The following NFIL3 variants were observed in gnomAD, a reference collection of about 807,000 sequenced individuals.
The protein encoded by NFIL3 is nuclear factor interleukin-3-regulated protein.
Under a neutral mutation model 10.0 loss-of-function variants are expected in NFIL3, and 5 were observed. That is an observed-to-expected ratio of 0.50 (90% CI 0.26 to 1.06). NFIL3 has a LOEUF of 1.06. Ranked by LOEUF, NFIL3 falls within the 50% of genes least tolerant of loss-of-function variation. The pLI is 0.13. For missense variants in NFIL3, 436 were observed against 547.6 expected (o/e 0.80, Z 2.03); for synonymous variants, 202 against 206.5 (o/e 0.98, Z 0.19).
the NFIL3 span, among the ~76,000 whole-genome samples, chr9:91,446,744 G>A: frequency 1.3e-5 from 2 of 151,978 alleles, no homozygotes; most frequent in African/African-American, 2.4e-5. Flanking sequence ...ATTTTACTAA[G>A]TATGATGTTT....
chr9:91,423,962 G>T (rs1423391364), upstream of NFIL3: 1 of 145,130 alleles, frequency 6.9e-6, no homozygotes, highest in Non-Finnish European at 1.5e-5. Context: ...GGCAGGGGCG[G>T]GCCGGGGCGG....
chr9:91,462,729 C>T, the NFIL3 span, among the ~76,000 whole-genome samples: 4 of 146,854 alleles, frequency 2.7e-5, no homozygotes, highest in Non-Finnish European at 1.5e-5. Context: ...AGAAAGTGCC[C>T]TCTGTGCTTC....
the NFIL3 span, among the ~76,000 whole-genome samples, chr9:91,478,999 A>C: frequency 6.6e-6 from 1 of 152,208 alleles, no homozygotes; most frequent in African/African-American, 2.4e-5. Flanking sequence ...AGATTGCTGC[A>C]TGTTCCTTCC....
chr9:91,448,302 T>C, the NFIL3 span, among the ~76,000 whole-genome samples: 1 of 152,186 alleles, frequency 6.6e-6, no homozygotes, highest in African/African-American at 2.4e-5. Context: ...AAGGCCAACA[T>C]TAAACAGTTA....
intron 1 of NFIL3, 145 bp downstream of exon 1, chr9:91,423,495 G>C (rs1433091578): frequency 6.6e-6 from 1 of 151,628 alleles, no homozygotes; most frequent in Non-Finnish European, 1.5e-5. Flanking sequence ...TGAATGCCCC[G>C]CGCGCACTCG....
At chr9:91,479,391 G>A in the NFIL3 span, among the ~76,000 whole-genome samples, 27 of 152,320 alleles carry the variant, frequency 1.8e-4, no homozygotes, top group African/African-American at 6.0e-4. Flanking sequence ...AGGCTTTGCC[G>A]AGCTGCGGTG....
chr9:91,459,030 TAA>T, the NFIL3 span, among the ~76,000 whole-genome samples: 1 of 152,062 alleles, frequency 6.6e-6, no homozygotes, highest in African/African-American at 2.4e-5. Flanking sequence ...TGGTCAGGAC[TAA>T]GTGTTTCGTT....
At chr9:91,411,233 G>A (rs1030207019) in intron 1 of NFIL3, among the ~76,000 whole-genome samples, 5 of 152,190 alleles carry the variant, frequency 3.3e-5, no homozygotes, top group Admixed American at 3.3e-4. Flanking sequence ...AGAAATAGTT[G>A]GGTGTGGGCA....
At chr9:91,473,122 G>C in the NFIL3 span, among the ~76,000 whole-genome samples, 1 of 152,156 alleles carries the variant, frequency 6.6e-6, no homozygotes, top group South Asian at 2.1e-4. Flanking sequence ...GTGTCAGTCA[G>C]CCCCTACTGG....
the NFIL3 span, among the ~76,000 whole-genome samples, chr9:91,435,352 T>A: frequency 6.6e-6 from 1 of 152,200 alleles, no homozygotes; most frequent in South Asian, 2.1e-4. Context: ...AATTGCTAAC[T>A]CAACAGGAAG....
chr9:91,424,935 A>G (rs1833853373), upstream of NFIL3, among the ~76,000 whole-genome samples: 1 of 152,242 alleles, frequency 6.6e-6, no homozygotes, highest in South Asian at 2.1e-4. Context: ...TGGAAAAAAG[A>G]GCACCTAGCC....
chr9:91,410,750 C>G lies in NFIL3; in HGVS notation c.-16G>C, dbSNP rs756764259. 6 of 1,565,768 alleles carry G rather than the reference C, an allele frequency of 3.8e-6. No individual in the cohort carries two copies. The highest frequency in any genetic ancestry group is 5.2e-6 in the Non-Finnish European group (6 of 1,160,500). On this transcript the variant is annotated 5_prime_UTR_variant, in exon 2 of 2. Transcript: ENST00000297689. This position sits in a 1 kb window ranked among gnomAD's most constrained non-coding sequence, Gnocchi z 5.7. ...TCAGCTGCATCAGAAACAACCTTAC[C>G]CTATCTATGTGTGTAGGAGAACAAA...
chr9:91,469,911 T>C, the NFIL3 span, among the ~76,000 whole-genome samples: 1 of 152,184 alleles, frequency 6.6e-6, no homozygotes, highest in African/African-American at 2.4e-5. Flanking sequence ...AGCTTTTTGA[T>C]GTGCTGCTGG....
At chr9:91,423,580 C>T (rs1178986641) in intron 1 of NFIL3, 60 bp downstream of exon 1, 1 of 148,130 alleles carries the variant, frequency 6.8e-6, no homozygotes, top group East Asian at 2.0e-4. Context: ...GCCCGCCCGC[C>T]CGCAGCGCGC....
the NFIL3 span, among the ~76,000 whole-genome samples, chr9:91,469,700 A>G: frequency 3.3e-5 from 5 of 152,268 alleles, no homozygotes; most frequent in South Asian, 2.1e-4. Flanking sequence ...TTTGAGATAC[A>G]TCCCATCAAT....
At chr9:91,467,929 T>C in the NFIL3 span, among the ~76,000 whole-genome samples, 1 of 152,194 alleles carries the variant, frequency 6.6e-6, no homozygotes, top group African/African-American at 2.4e-5. Flanking sequence ...TTTAATCCAG[T>C]CTATCACTGA....
At chr9:91,417,482 T>G (rs544038697) in intron 1 of NFIL3, among the ~76,000 whole-genome samples, 44 of 152,236 alleles carry the variant, frequency 2.9e-4, no homozygotes, top group Non-Finnish European at 5.1e-4. Context: ...TTTCTTCCTG[T>G]GGGTAAAATT....
the NFIL3 span, among the ~76,000 whole-genome samples, chr9:91,450,875 A>T: frequency 6.6e-6 from 1 of 152,030 alleles, no homozygotes; most frequent in East Asian, 1.9e-4. Context: ...AGATCTCTTG[A>T]CTCTGGCTTC....
the NFIL3 span, among the ~76,000 whole-genome samples, chr9:91,461,853 G>A: frequency 2.6e-5 from 4 of 152,112 alleles, no homozygotes; most frequent in African/African-American, 9.7e-5. Context: ...AAGGAACCTA[G>A]AGGAAAGGCA....
Sources: allele counts gnomAD v4.1 joint callset (sites outside exome capture counted in the v4.1 genomes callset), GRCh38; gene constraint gnomAD v4.1.1; non-coding constraint Gnocchi (gnomAD v3.1); transcripts MANE v1.5; gene names NCBI Gene and HGNC (gene_info 2026-07-23, HGNC 2026-07-21).